NTM: variants seen among roughly 807,000 people sequenced by gnomAD.
NTM encodes the protein neurotrimin, also known as IgLON family member 2.
A neutral mutation model predicts 42.1 loss-of-function variants in NTM; 13 were observed. The observed-to-expected ratio is 0.31, with a 90% CI of 0.20 to 0.49. The LOEUF is 0.49. NTM is among the 20% of genes least tolerant of loss of function. The pLI is 0.99. For synonymous variants in NTM, 187 were observed against 179.2 expected (o/e 1.04, Z -0.35); for missense variants, 373 against 452.8 (o/e 0.82, Z 1.60).
chr11:131,709,100 GT>G (rs1308930835), intron 1 of NTM, among the ~76,000 whole-genome samples: 3 of 152,158 alleles, frequency 2.0e-5, no homozygotes, highest in Non-Finnish European at 4.4e-5. Context: ...TTGCTGGTGT[GT>G]TCAAGAACAG....
intron 4 of NTM, among the ~76,000 whole-genome samples, chr11:132,286,952 T>C (rs2094263377): frequency 6.6e-6 from 1 of 152,238 alleles, no homozygotes; most frequent in African/African-American, 2.4e-5. Flanking sequence ...GCCTATGTCC[T>C]TCTCACTCTT....
At chr11:131,470,039 C>T (rs1952284147) in intron 1 of NTM, among the ~76,000 whole-genome samples, 1 of 152,202 alleles carries the variant, frequency 6.6e-6, no homozygotes, top group South Asian at 2.1e-4. Context: ...GCTGGAGTGA[C>T]TGAGCCATGG....
At chr11:131,831,393 G>A (rs1053955483) in intron 1 of NTM, among the ~76,000 whole-genome samples, 4 of 152,144 alleles carry the variant, frequency 2.6e-5, no homozygotes, top group Non-Finnish European at 5.9e-5. Flanking sequence ...TTGCTGATAA[G>A]CAAACCCAGC....
At chr11:131,413,508 G>T (rs1176071277) in intron 1 of NTM, among the ~76,000 whole-genome samples, 1 of 152,274 alleles carries the variant, frequency 6.6e-6, no homozygotes, top group East Asian at 1.9e-4. Context: ...GGCCAGAGCC[G>T]TTTTGTCAGG....
At chr11:131,738,066 C>T (rs1219347536) in intron 1 of NTM, among the ~76,000 whole-genome samples, 2 of 152,164 alleles carry the variant, frequency 1.3e-5, no homozygotes, top group Non-Finnish European at 2.9e-5. Flanking sequence ...TCTCCGATGT[C>T]CCTGAAGTTG....
At chr11:132,085,675 TA>T (rs2059613828) in intron 2 of NTM, among the ~76,000 whole-genome samples, 1 of 152,202 alleles carries the variant, frequency 6.6e-6, no homozygotes, top group Admixed American at 6.5e-5. Context: ...ACCAATTAAT[TA>T]GAGCTCTTTT....
At chr11:131,874,438 A>G (rs1460589970) in intron 1 of NTM, among the ~76,000 whole-genome samples, 1 of 152,196 alleles carries the variant, frequency 6.6e-6, no homozygotes, top group African/African-American at 2.4e-5. Context: ...ATAACAGTTA[A>G]GACATTCTCC....
At chr11:131,572,741 T>C (rs108490) in intron 1 of NTM, among the ~76,000 whole-genome samples, 82,337 of 151,970 alleles carry the variant, frequency 0.54, 22,568 homozygotes, top group South Asian at 0.68. Context: ...AGGTGTGGCG[T>C]GATTTGCACT....
At chr11:132,239,539 T>C (rs1286608800) in intron 4 of NTM, among the ~76,000 whole-genome samples, 1 of 152,226 alleles carries the variant, frequency 6.6e-6, no homozygotes, top group Admixed American at 6.5e-5. Context: ...ACCACCATCA[T>C]TGCATTTTAC....
intron 1 of NTM, among the ~76,000 whole-genome samples, chr11:131,786,569 C>T (rs1284993626): frequency 2.6e-5 from 4 of 152,104 alleles, no homozygotes; most frequent in Non-Finnish European, 4.4e-5. Flanking sequence ...GAGTAAAATA[C>T]AGAAGCTGTA....
chr11:131,565,042 A>G (rs553797627), intron 1 of NTM, among the ~76,000 whole-genome samples: 1 of 152,200 alleles, frequency 6.6e-6, no homozygotes, highest in Non-Finnish European at 1.5e-5. Flanking sequence ...GGTCCTTCTC[A>G]CATCGCAGAT....
intron 2 of NTM, among the ~76,000 whole-genome samples, chr11:132,005,656 T>A (rs2070600542): frequency 6.6e-6 from 1 of 152,212 alleles, no homozygotes; most frequent in Non-Finnish European, 1.5e-5. Context: ...CATTTTCATA[T>A]CCTACCATCC....
At chr11:131,598,235 T>C (rs1475938151) in intron 1 of NTM, among the ~76,000 whole-genome samples, 1 of 152,248 alleles carries the variant, frequency 6.6e-6, no homozygotes, top group Non-Finnish European at 1.5e-5. Context: ...CAAGGGAATA[T>C]TAAGGCTGGG....
intron 2 of NTM, among the ~76,000 whole-genome samples, chr11:132,046,820 A>G (rs1163095229): frequency 1.3e-5 from 2 of 152,174 alleles, no homozygotes; most frequent in African/African-American, 2.4e-5. Flanking sequence ...CTGTCTATCT[A>G]TCTAACTATC....
chr11:131,831,624 A>T (rs2042830511), intron 1 of NTM, among the ~76,000 whole-genome samples: 1 of 152,168 alleles, frequency 6.6e-6, no homozygotes. Context: ...AAATTACTAA[A>T]TGTGTAAACT....
intron 2 of NTM, among the ~76,000 whole-genome samples, chr11:132,068,612 G>GTATTTCTTC (rs2056881216): frequency 6.6e-6 from 1 of 152,172 alleles, no homozygotes; most frequent in Non-Finnish European, 1.5e-5. Context: ...TTTTTAAAGT[G>GTATTTCTTC]TATTTCTTCT....
chr11:132,322,142 A>G (rs2095583723), intron 7 of NTM, among the ~76,000 whole-genome samples: 1 of 152,108 alleles, frequency 6.6e-6, no homozygotes, highest in Non-Finnish European at 1.5e-5. Context: ...ATAACCAGCT[A>G]ACATCATAAT....
At chr11:131,556,563 A>ATTT (rs34911090) in intron 1 of NTM, among the ~76,000 whole-genome samples, 1 of 98,432 alleles carries the variant, frequency 1.0e-5, no homozygotes, top group Non-Finnish European at 2.1e-5. Flanking sequence ...ACACATAGGA[A>ATTT]TTTTTTTTTT....
At chr11:131,793,174 AG>A (rs2091163686) in intron 1 of NTM, among the ~76,000 whole-genome samples, 1 of 152,284 alleles carries the variant, frequency 6.6e-6, no homozygotes, top group Non-Finnish European at 1.5e-5. Flanking sequence ...AGAGGTTTGT[AG>A]GGAGTCTGCT....
Sources: allele counts gnomAD v4.1 joint callset (sites outside exome capture counted in the v4.1 genomes callset), GRCh38; gene constraint gnomAD v4.1.1; transcripts MANE v1.5; gene names NCBI Gene and HGNC (gene_info 2026-07-23, HGNC 2026-07-21).